The following PRKCB variants were observed in gnomAD, a reference collection of about 807,000 sequenced individuals.
PRKCB encodes protein kinase C beta, also known as protein kinase C beta type.
PRKCB carries 13 observed loss-of-function variants against 81.5 expected under a neutral mutation model. The ratio of observed to expected loss-of-function variants is 0.16; its 90% CI spans 0.10 to 0.25. The LOEUF (loss-of-function observed/expected upper bound fraction) is 0.25. PRKCB is among the 10% of genes least tolerant of loss of function. PRKCB has a pLI of 1.00. For missense variants in PRKCB, 509 were observed against 875.7 expected, an observed-to-expected ratio of 0.58 and a Z score of 5.29; for synonymous variants, 335 against 321.4, an observed-to-expected ratio of 1.04 and a Z score of -0.45.
intron 10 of PRKCB, among the ~76,000 whole-genome samples, chr16:24,165,298 C>A (rs1213108014): frequency 6.6e-6 from 1 of 152,218 alleles, no homozygotes; most frequent in Non-Finnish European, 1.5e-5. Context: ...CCACCTCAGC[C>A]TCTCAAAGTG....
Position 24,154,790 on chromosome 16 carries a change from A to G in PRKCB, c.1172A>G (p.Lys391Arg), listed in dbSNP as rs772277246. ...DDDVECTMVE[K>R]RVLALPGKPP... ...GACGTGGAGTGCACTATGGTGGAGA[A>G]GCGGGTGTTGGCCCTGCCTGGGAAG... Residue 391 changes from lysine (K) to arginine (R), a missense_variant, in exon 10 of 17, where the codon AAG becomes AGG. Lys to Arg is a conservative substitution (Grantham distance 26). Around this residue, in one of 6 missense-constraint regions of PRKCB, gnomAD observed 106 missense variants for 214.0 expected, o/e 0.50. Transcript: ENST00000643927. 1 of 1,614,212 alleles carries G rather than the reference A, an allele frequency of 6.2e-7. No homozygotes were observed. The highest frequency in any genetic ancestry group is 1.1e-5 in the South Asian group (1 of 91,084).
chr16:24,205,526 C>G (rs1183496253), intron 16 of PRKCB, among the ~76,000 whole-genome samples: 1 of 152,130 alleles, frequency 6.6e-6, no homozygotes, highest in South Asian at 2.1e-4. Flanking sequence ...GTCTGGATCT[C>G]TTGTCAAATC....
chr16:24,215,798 TTG>T lies in PRKCB; in HGVS notation c.*984_*985del. 2 of 985,820 alleles carry T rather than the reference TTG, an allele frequency of 2.0e-6. No homozygotes were observed. Among genetic ancestry groups the T allele is most frequent in the Non-Finnish European group, 2.4e-6 (2 of 829,926 alleles). 61.1% of individuals were successfully genotyped at this position (985,820 alleles called of 1,614,324 possible). On this transcript the variant is annotated 3_prime_UTR_variant, in exon 17 of 17. Transcript: ENST00000643927. The stretch of plus-strand genomic sequence containing the variant: ...AGACTCAGGCCTGTGGGAATGGGAT[TTG>T]TTACAAATCTAGGTTTGTTACTGGC...
intron 5 of PRKCB, among the ~76,000 whole-genome samples, chr16:24,058,708 A>G (rs1435741968): frequency 6.6e-6 from 1 of 152,226 alleles, no homozygotes; most frequent in East Asian, 1.9e-4. Flanking sequence ...TGTTCAGACC[A>G]TAGATTGTAG....
At chr16:24,100,531 C>T (rs1245491836) in intron 7 of PRKCB, among the ~76,000 whole-genome samples, 1 of 152,166 alleles carries the variant, frequency 6.6e-6, no homozygotes, top group African/African-American at 2.4e-5. Flanking sequence ...GTCTTTTCTG[C>T]TCCTTCTGCT....
chr16:24,174,849 C>A, intron 12 of PRKCB: 1 of 379,752 alleles, frequency 2.6e-6, no homozygotes, highest in East Asian at 4.0e-5. Flanking sequence ...TAAGAGGAGA[C>A]TCACAGAGAG....
Position 24,217,534 on chromosome 16 carries a change from C to G in PRKCB, c.*2718C>G. 1 of 985,468 alleles carries G rather than the reference C, an allele frequency of 1.0e-6. No individual in the cohort carries two copies. The highest frequency in any genetic ancestry group is 1.2e-6 in the Non-Finnish European group (1 of 829,958). 61.0% of individuals were successfully genotyped at this position (985,468 alleles called of 1,614,324 possible). On this transcript the variant is annotated 3_prime_UTR_variant, in exon 17 of 17. Transcript: ENST00000643927. Reference sequence around the variant, plus strand: ...AATGATCTCAACAGAGAAGCTTATTCTCTCCCAACTTCTACGGTAAAATCC... The same window carrying G: ...AATGATCTCAACAGAGAAGCTTATTGTCTCCCAACTTCTACGGTAAAATCC...
At chr16:23,989,008 T>C (rs572802902) in intron 3 of PRKCB, among the ~76,000 whole-genome samples, 13 of 152,304 alleles carry the variant, frequency 8.5e-5, no homozygotes, top group African/African-American at 2.9e-4. Context: ...TCGCCCAGGC[T>C]GGAGTGCAGT....
chr16:24,092,648 T>G, intron 5 of PRKCB, 143 bp from the exon 6 acceptor site: 1 of 746,986 alleles, frequency 1.3e-6, no homozygotes, highest in Non-Finnish European at 2.1e-6. Context: ...GTGCACTGCT[T>G]CAGCTATGGA....
At chr16:24,154,627 C>T in intron 9 of PRKCB, 57 bp from the exon 10 acceptor site, 1 of 1,568,140 alleles carries the variant, frequency 6.4e-7, no homozygotes, top group African/African-American at 1.3e-5. Flanking sequence ...ACCAGCTGCT[C>T]ATAACTGGCC....
intron 9 of PRKCB, among the ~76,000 whole-genome samples, chr16:24,125,527 T>C (rs1040739181): frequency 6.6e-6 from 1 of 152,226 alleles, no homozygotes; most frequent in Non-Finnish European, 1.5e-5. Flanking sequence ...TGAAAAATCT[T>C]CCCCAACTAC....
intron 10 of PRKCB, among the ~76,000 whole-genome samples, chr16:24,160,001 T>C (rs1322850802): frequency 6.6e-6 from 1 of 151,906 alleles, no homozygotes; most frequent in Non-Finnish European, 1.5e-5. Context: ...TAAAATAAAA[T>C]AAAATAAAAT....
chr16:24,035,672 G>T (rs1596522421), intron 5 of PRKCB, 125 bp downstream of exon 5: 2 of 1,073,938 alleles, frequency 1.9e-6, no homozygotes, highest in Non-Finnish European at 2.6e-6. Context: ...CGGGGAGGGG[G>T]TGTGGCACTG....
chr16:24,035,337 T>A (rs1965600453), intron 4 of PRKCB, 82 bp from the exon 5 acceptor site: 2 of 1,529,558 alleles, frequency 1.3e-6, no homozygotes, highest in Non-Finnish European at 1.8e-6. Context: ...CAGGAAGGGC[T>A]CAGCGGTCTT....
intron 10 of PRKCB, among the ~76,000 whole-genome samples, chr16:24,170,238 A>T (rs142146286): frequency 1.2e-3 from 178 of 152,218 alleles, no homozygotes; most frequent in African/African-American, 4.2e-3. Context: ...ACCTAGTAGG[A>T]CTCTGTAAAT....
intron 2 of PRKCB, among the ~76,000 whole-genome samples, chr16:23,862,976 A>G (rs1476712049): frequency 6.6e-6 from 1 of 151,918 alleles, no homozygotes; most frequent in Non-Finnish European, 1.5e-5. Flanking sequence ...GGATAATAAT[A>G]TTGATTATTG....
intron 2 of PRKCB, chr16:23,893,435 C>T (rs1411527333): frequency 1.3e-5 from 2 of 152,226 alleles, no homozygotes; most frequent in Non-Finnish European, 2.9e-5. Context: ...GTCCTGATTA[C>T]CCCTTATCTG....
At chr16:23,941,938 G>T (rs1380230233) in intron 2 of PRKCB, among the ~76,000 whole-genome samples, 1 of 152,140 alleles carries the variant, frequency 6.6e-6, no homozygotes, top group Non-Finnish European at 1.5e-5. Flanking sequence ...TTACATATTG[G>T]AAAAATGAAT....
chr16:24,161,570 C>T (rs1263009502), intron 10 of PRKCB, among the ~76,000 whole-genome samples: 3 of 151,864 alleles, frequency 2.0e-5, no homozygotes, highest in Non-Finnish European at 4.4e-5. Flanking sequence ...CAAAAGCTCC[C>T]AGAAGGGGGT....
Sources: gnomAD v4.1 joint callset for allele counts (sites outside exome capture counted in the v4.1 genomes callset) on GRCh38, gnomAD v4.1.1 for gene constraint, gnomAD v4.1.1 regional missense constraint, MANE v1.5 for transcripts, NCBI Gene and HGNC (gene_info 2026-07-23, HGNC 2026-07-21) for gene names.